Variants in LRIG2 observed in about 807,000 individuals in gnomAD.
The protein encoded by LRIG2 is leucine-rich repeats and immunoglobulin-like domains protein 2.
LRIG2 carries 93 observed loss-of-function variants against 107.8 expected under a neutral mutation model. The observed-to-expected ratio is 0.86, with a 90% CI of 0.73 to 1.03. The LOEUF is 1.03. Among genes scored for constraint, LRIG2 ranks in the 50% least tolerant of loss-of-function variants. LRIG2 has a pLI of 0.00. For missense variants in LRIG2, 1,226 were observed against 1,296.0 expected (o/e 0.95, Z 0.83); for synonymous variants, 471 against 470.6 (o/e 1.00, Z -0.01).
At chr1:113,112,396 T>G in intron 13 of LRIG2, 83 bp from the exon 14 acceptor site, 1 of 1,257,420 alleles carries the variant, frequency 8.0e-7, no homozygotes, top group Non-Finnish European at 1.1e-6. Context: ...TCTTGCCTAC[T>G]AGATTCTTTC....
At chr1:113,122,602 G>A (rs1655310800) in intron 17 of LRIG2, among the ~76,000 whole-genome samples, 1 of 152,170 alleles carries the variant, frequency 6.6e-6, no homozygotes, top group South Asian at 2.1e-4. Context: ...TAACTTTGGG[G>A]ATGCCTTCAT....
At chr1:113,075,086 G>C (rs572667325) in intron 1 of LRIG2, among the ~76,000 whole-genome samples, 1 of 151,604 alleles carries the variant, frequency 6.6e-6, no homozygotes, top group Non-Finnish European at 1.5e-5. Flanking sequence ...GTGTGGTGGC[G>C]CGTGCCTGTA....
Position 113,110,242 on chromosome 1 carries a change from A to G in LRIG2, c.1478A>G (p.Asp493Gly), listed in dbSNP as rs1012034865. ...TACGGATGCATTTTTTTCCCCTTAG[A>G]TGATTTTCTCAAGCCACAGATAAGG... ...LNVDLKDFVC[D>G]DFLKPQIRTH... The change falls in exon 13 of 18, where the codon GAT becomes GGT. Residue 493 changes from aspartate to glycine, a missense_variant and splice_region_variant. Physicochemically the swap from Asp to Gly is moderately conservative, Grantham distance 94 (BLOSUM62 -1). Transcript: ENST00000361127. 3.8e-6 allele frequency: 6 copies of G among 1,573,774 alleles called. No homozygotes were observed. In the African/African-American group the frequency reaches 8.2e-5, roughly 21 times the overall value.
intron 12 of LRIG2, among the ~76,000 whole-genome samples, chr1:113,108,318 G>T (rs1402817370): frequency 6.6e-6 from 1 of 150,970 alleles, no homozygotes; most frequent in East Asian, 2.0e-4. Context: ...CTGCCTCCCG[G>T]GTTCAAGCGA....
chr1:113,107,815 A>T (rs997860120), intron 12 of LRIG2, 58 bp downstream of exon 12: 38 of 1,436,112 alleles, frequency 2.6e-5, no homozygotes, highest in Admixed American at 1.7e-4. Flanking sequence ...TAACAGAATT[A>T]AAAAAATTAA....
At chr1:113,080,283 T>C (rs989697495) in intron 1 of LRIG2, among the ~76,000 whole-genome samples, 17 of 152,116 alleles carry the variant, frequency 1.1e-4, no homozygotes, top group Non-Finnish European at 1.0e-4. Flanking sequence ...CCTTCCAAAG[T>C]GCTGGGATTA....
chr1:113,091,274 A>G, intron 1 of LRIG2, 44 bp from the exon 2 acceptor site: 10 of 1,272,658 alleles, frequency 7.9e-6, no homozygotes, highest in Middle Eastern at 2.4e-4. Context: ...CTTTAGGTCT[A>G]CTTTCCAGGA....
At chr1:113,108,136 A>G (rs180917650) in intron 12 of LRIG2, among the ~76,000 whole-genome samples, 1 of 152,312 alleles carries the variant, frequency 6.6e-6, no homozygotes, top group African/African-American at 2.4e-5. Flanking sequence ...TCATAACATT[A>G]AAGTGGCAGA....
At position 113,126,792 on chromosome 1, in the gene LRIG2, C is replaced by T. The variant is rs1257287940; in HGVS notation, c.*2691C>T. On this transcript the variant is annotated 3_prime_UTR_variant, in exon 18 of 18. Coordinates refer to ENST00000361127, the MANE Select transcript of LRIG2 (RefSeq NM_014813.3). ...ATTTGTTGTAACCTTCTCAGCAACT[C>T]TTCTGTACTTCACCTATAGTGCCTA... 6.1e-6 allele frequency: 1 copy of T among 162,724 alleles called. No homozygotes were observed. Among genetic ancestry groups the T allele is most frequent in the Non-Finnish European group, 1.5e-5 (1 of 68,122 alleles). The allele number at this position is 162,724 out of a possible 1,614,324, so 10.1% of individuals were successfully genotyped here.
At chr1:113,075,986 C>G (rs1362287004) in intron 1 of LRIG2, among the ~76,000 whole-genome samples, 3 of 147,108 alleles carry the variant, frequency 2.0e-5, no homozygotes, top group African/African-American at 7.6e-5. Flanking sequence ...CATGAGCCAC[C>G]AAGCCCGGCC....
chr1:113,113,211 CA>C (rs11454182), intron 14 of LRIG2, among the ~76,000 whole-genome samples: 111 of 136,700 alleles, frequency 8.1e-4, no homozygotes, highest in African/African-American at 2.0e-3. Context: ...AAATTTAATA[CA>C]AAAAAAAAAA....
chr1:113,090,219 ATTG>A (rs762932315), intron 1 of LRIG2, among the ~76,000 whole-genome samples: 53 of 152,306 alleles, frequency 3.5e-4, no homozygotes, highest in Non-Finnish European at 5.6e-4. Context: ...AAATGTGTAA[ATTG>A]TTGTGTCATT....
intron 17 of LRIG2, among the ~76,000 whole-genome samples, chr1:113,123,091 G>A (rs1655330459): frequency 6.6e-6 from 1 of 152,184 alleles, no homozygotes; most frequent in Non-Finnish European, 1.5e-5. Flanking sequence ...ACTATCATTT[G>A]TTGTTAGAAT....
intron 1 of LRIG2, among the ~76,000 whole-genome samples, chr1:113,079,240 T>TG (rs1448970705): frequency 6.6e-6 from 1 of 150,724 alleles, no homozygotes; most frequent in East Asian, 1.9e-4. Context: ...CCCAGTTACT[T>TG]GGGGGGCTGA....
intron 1 of LRIG2, among the ~76,000 whole-genome samples, chr1:113,077,685 C>G (rs2101012436): frequency 1.3e-5 from 2 of 150,092 alleles, no homozygotes; most frequent in South Asian, 2.1e-4. Flanking sequence ...GTGACTTGAG[C>G]TTCAACCTCT....
chr1:113,105,103 A>G (rs1477504794), intron 11 of LRIG2, among the ~76,000 whole-genome samples: 2 of 152,036 alleles, frequency 1.3e-5, no homozygotes, highest in Non-Finnish European at 2.9e-5. Flanking sequence ...CTGAGATCTC[A>G]CCACTGCACT....
intron 1 of LRIG2, 123 bp downstream of exon 1, chr1:113,073,768 C>G: frequency 1.2e-6 from 1 of 868,534 alleles, no homozygotes; most frequent in Non-Finnish European, 1.7e-6. Flanking sequence ...CTGAAGGAAA[C>G]TGCCGTCAGG....
At chr1:113,091,665 ATTTTGGCCAAG>A (rs1261568143) in intron 2 of LRIG2, among the ~76,000 whole-genome samples, 1 of 152,064 alleles carries the variant, frequency 6.6e-6, no homozygotes. Context: ...ATGTGTTTTG[ATTTTGGCCAAG>A]TTTTCAGCCA....
chr1:113,076,326 G>A (rs993402523), intron 1 of LRIG2, among the ~76,000 whole-genome samples: 7 of 152,194 alleles, frequency 4.6e-5, no homozygotes, highest in African/African-American at 1.7e-4. Flanking sequence ...CTACATTTAA[G>A]ATTCTCCGTT....
Sources: gnomAD v4.1 joint callset for allele counts (sites outside exome capture counted in the v4.1 genomes callset) on GRCh38, gnomAD v4.1.1 for gene constraint, MANE v1.5 for transcripts, NCBI Gene and HGNC (gene_info 2026-07-23, HGNC 2026-07-21) for gene names.